LRRC18: variants seen among roughly 807,000 people sequenced by gnomAD.
LRRC18 encodes leucine rich repeat containing 18.
LRRC18 carries 12 observed loss-of-function variants against 11.2 expected under a neutral mutation model. That is an observed-to-expected ratio of 1.07 (90% CI 0.69 to 1.74). LRRC18 has a LOEUF of 1.74. LRRC18 is among the 40% of genes most tolerant of loss of function. LRRC18 has a pLI of 0.00. For missense variants in LRRC18, 374 were observed against 330.5 expected, an observed-to-expected ratio of 1.13 and a Z score of -1.02; for synonymous variants, 155 against 130.6, an observed-to-expected ratio of 1.19 and a Z score of -1.27.
At chr10:48,931,479 C>T in the LRRC18 span, among the ~76,000 whole-genome samples, 1 of 152,184 alleles carries the variant, frequency 6.6e-6, no homozygotes, top group Non-Finnish European at 1.5e-5. Flanking sequence ...ATAAACAACA[C>T]GTGGCCTGTT....
At chr10:48,913,751 G>A (rs143092104) in exon 1 of LRRC18, 250 of 1,613,854 alleles carry the variant, frequency 1.5e-4, no homozygotes, top group African/African-American at 9.5e-4. Flanking sequence ...TGGTGGGCAC[G>A]CTGTCCAGGT....
At chr10:48,916,688 T>C (rs977202608), upstream of LRRC18, among the ~76,000 whole-genome samples, 1 of 152,096 alleles carries the variant, frequency 6.6e-6, no homozygotes, top group African/African-American at 2.4e-5. Context: ...AGGGAAGAAA[T>C]TCAGGAAAAG....
At chr10:48,913,283 A>C in intron 1 of LRRC18, 109 bp downstream of exon 3, 4 of 1,039,026 alleles carry the variant, frequency 3.8e-6, no homozygotes, top group Non-Finnish European at 5.6e-6. Context: ...CTTGGCTGAA[A>C]GAGCTGCTGC....
chr10:48,937,070 T>G, the LRRC18 span, among the ~76,000 whole-genome samples: 1 of 151,822 alleles, frequency 6.6e-6, no homozygotes, highest in Non-Finnish European at 1.5e-5. Flanking sequence ...ATTTTTGTAT[T>G]TTTAGTAGAG....
chr10:48,914,182 G>T, exon 1 of LRRC18: 2 of 1,599,946 alleles, frequency 1.3e-6, no homozygotes, highest in Non-Finnish European at 1.7e-6. Context: ...AGTGTTAGAA[G>T]TTTATTGTTC....
the LRRC18 span, among the ~76,000 whole-genome samples, chr10:48,936,891 A>G: frequency 8.3e-4 from 126 of 151,062 alleles, no homozygotes; most frequent in African/African-American, 3.0e-3. Flanking sequence ...AATTTTGGCA[A>G]CTGGCAGTAA....
intron 1 of LRRC18, among the ~76,000 whole-genome samples, chr10:48,912,923 A>G (rs957116593): frequency 1.3e-5 from 2 of 152,198 alleles, no homozygotes; most frequent in Non-Finnish European, 2.9e-5. Flanking sequence ...ACCCAACACC[A>G]AGTGCTCATC....
At chr10:48,937,732 T>C in the LRRC18 span, among the ~76,000 whole-genome samples, 1 of 152,236 alleles carries the variant, frequency 6.6e-6, no homozygotes, top group African/African-American at 2.4e-5. Context: ...AGAGGTTTAA[T>C]GAGCTGTTCA....
chr10:48,926,602 C>A, the LRRC18 span, among the ~76,000 whole-genome samples: 3 of 152,142 alleles, frequency 2.0e-5, no homozygotes, highest in African/African-American at 7.2e-5. Flanking sequence ...TTCAGTGTGA[C>A]CCATTGTCTG....
chr10:48,920,973 T>G, the LRRC18 span, among the ~76,000 whole-genome samples: 4 of 152,102 alleles, frequency 2.6e-5, no homozygotes, highest in African/African-American at 4.8e-5. Context: ...ATAATGAAAA[T>G]TATAAAATGC....
chr10:48,910,717 A>T (rs1837919787), intron 1 of LRRC18, among the ~76,000 whole-genome samples: 2 of 152,052 alleles, frequency 1.3e-5, no homozygotes, highest in Non-Finnish European at 2.9e-5. Context: ...CCTTCCTGAG[A>T]TGTGTGATAA....
At chr10:48,939,736 T>C in the LRRC18 span, among the ~76,000 whole-genome samples, 6 of 152,242 alleles carry the variant, frequency 3.9e-5, no homozygotes, top group African/African-American at 1.4e-4. Flanking sequence ...TTTTAAAAAA[T>C]AGATCTCACC....
At chr10:48,924,038 G>A in the LRRC18 span, among the ~76,000 whole-genome samples, 5 of 152,296 alleles carry the variant, frequency 3.3e-5, no homozygotes, top group East Asian at 1.9e-4. Flanking sequence ...GAACTCCTCC[G>A]TTAAGGAGCC....
rs143949072 is a variant in LRRC18 at position 48,914,090 on chromosome 10, G to A, written c.66C>T (p.Ile22=). ...GCTTTTTCCCATCAAAAGTGATTTT[G>A]ATGCAATTCCTGGCCACCTTGAGGG... Residue 22 remains isoleucine, a synonymous_variant, in exon 1 of 2, where the codon ATC becomes ATT. Coordinates refer to ENST00000374160, the Ensembl canonical transcript of LRRC18. The A allele has an allele frequency of 1.1e-4, 170 of 1,614,168 alleles. No homozygotes were observed. The African/African-American group carries it at 2.0e-3, about 19-fold the overall frequency.
At chr10:48,913,675 C>G in exon 1 of LRRC18, 1 of 1,613,440 alleles carries the variant, frequency 6.2e-7, no homozygotes. Context: ...GAGATGCTCA[C>G]GGGGATGTTG....
upstream of LRRC18, among the ~76,000 whole-genome samples, chr10:48,916,418 C>T (rs1838538751): frequency 6.6e-6 from 1 of 152,146 alleles, no homozygotes; most frequent in Admixed American, 6.5e-5. Context: ...TGTCTCATCC[C>T]AGGCCACCCT....
upstream of LRRC18, chr10:48,914,297 T>C (rs1034858262): frequency 1.7e-5 from 15 of 883,258 alleles, no homozygotes; most frequent in South Asian, 2.7e-4. Flanking sequence ...CCCCACGTCA[T>C]GACGCTTTGC....
chr10:48,921,134 T>A, the LRRC18 span, among the ~76,000 whole-genome samples: 1 of 152,100 alleles, frequency 6.6e-6, no homozygotes, highest in African/African-American at 2.4e-5. Flanking sequence ...TTAAAACTTA[T>A]ATGAAAGGAA....
At chr10:48,921,706 A>T in the LRRC18 span, among the ~76,000 whole-genome samples, 2 of 152,224 alleles carry the variant, frequency 1.3e-5, no homozygotes, top group Non-Finnish European at 2.9e-5. Flanking sequence ...ATCTATAAAG[A>T]TCTTTTCAAC....
Sources: allele counts gnomAD v4.1 joint callset (sites outside exome capture counted in the v4.1 genomes callset), GRCh38; gene constraint gnomAD v4.1.1; transcripts MANE v1.5; gene names NCBI Gene and HGNC (gene_info 2026-07-23, HGNC 2026-07-21).